SYNJ1: variants seen among roughly 807,000 people sequenced by gnomAD.
SYNJ1 encodes polyphosphatidylinositol phosphatase SYNJ1.
Under a neutral mutation model 168.2 loss-of-function variants are expected in SYNJ1, and 78 were observed. The ratio of observed to expected loss-of-function variants is 0.46; its 90% CI spans 0.39 to 0.56. The LOEUF (loss-of-function observed/expected upper bound fraction) is 0.56, where lower values mean the gene tolerates loss of function less well. Ranked by LOEUF, SYNJ1 falls within the 20% of genes least tolerant of loss-of-function variation. The pLI, the probability that SYNJ1 is intolerant of heterozygous loss-of-function variation, is 0.00. For missense variants in SYNJ1, 1,303 were observed against 1,597.6 expected, an observed-to-expected ratio of 0.82 and a Z score of 3.14; for synonymous variants, 539 against 548.6, an observed-to-expected ratio of 0.98 and a Z score of 0.24.
intron 14 of SYNJ1, among the ~76,000 whole-genome samples, chr21:32,672,903 T>C (rs2041260670): frequency 6.6e-6 from 1 of 152,184 alleles, no homozygotes; most frequent in East Asian, 1.9e-4. Flanking sequence ...AAAACTCAAG[T>C]GATCAATTAT....
intron 2 of SYNJ1, among the ~76,000 whole-genome samples, chr21:32,714,211 G>A (rs2042941740): frequency 6.6e-6 from 1 of 152,148 alleles, no homozygotes; most frequent in Admixed American, 6.5e-5. Context: ...CGGCCAATGA[G>A]GTTAGAACAT....
At chr21:32,725,101 G>A (rs1048080213) in intron 2 of SYNJ1, among the ~76,000 whole-genome samples, 1 of 152,146 alleles carries the variant, frequency 6.6e-6, no homozygotes, top group Non-Finnish European at 1.5e-5. Flanking sequence ...GGAGTAAAGT[G>A]TAGCAATAAT....
At chr21:32,707,534 A>T (rs1002657676) in intron 2 of SYNJ1, among the ~76,000 whole-genome samples, 1 of 151,888 alleles carries the variant, frequency 6.6e-6, no homozygotes. Flanking sequence ...GGGTCTTTCT[A>T]TGTTGCCCAG....
Position 32,650,260 on chromosome 21 carries a change from G to A in SYNJ1, c.2961C>T (p.Ser987=). Residue 987 remains serine (S), a synonymous_variant, in exon 23 of 33, where the codon AGC becomes AGT. Transcript: ENST00000674351. ...AGCTTGTTGATGATGGCAATGCAAT[G>A]CTAATTTTCTCTAAACTCATTTCTT... ...LEEEMSLEKI[S]IALPSSTSST... The A allele has an allele frequency of 1.2e-6, 2 of 1,613,986 alleles. No homozygotes were observed. Among genetic ancestry groups the A allele is most frequent in the South Asian group, 1.1e-5 (1 of 91,046 alleles).
rs869206401 is a variant in SYNJ1 at position 32,727,987 on chromosome 21, G to T, written c.-64C>A. ...TCCTCCTCCTTCTCCCGCAGCCGCC[G>T]CCACAGCCGCCGGGAGCGTCACTTC... On this transcript the variant is annotated 5_prime_UTR_variant, in exon 1 of 33. Transcript: ENST00000674351. 21 of 1,535,280 alleles carry T rather than the reference G, an allele frequency of 1.4e-5. No individual in the cohort carries two copies. The highest frequency in any genetic ancestry group is 1.8e-4 in the Middle Eastern group (1 of 5,520).
chr21:32,641,987 C>T (rs763233516), intron 28 of SYNJ1, 21 bp from the exon 29 acceptor site: 2 of 1,613,224 alleles, frequency 1.2e-6, no homozygotes, highest in Admixed American at 1.7e-5. Flanking sequence ...GACATCATAT[C>T]ATATATTTAA....
rs553936642 is a variant in SYNJ1, at chr21:32,656,634, T to C, written c.2795+53A>G. On this transcript the variant is annotated intron_variant, in intron 21 of 32. Transcript: ENST00000674351. ...TTCCCCAAATAAGGTGATTTCTATA[T>C]AGAAATGATTGTTTATGAATCACAA... The C allele has an allele frequency of 1.9e-4, 280 of 1,470,104 alleles. 3 individuals carry two copies. The South Asian group carries it at 3.2e-3, about 17-fold the overall frequency. 91.1% of individuals were successfully genotyped at this position (1,470,104 alleles called of 1,614,324 possible).
At chr21:32,642,805 G>T (rs1346944141) in intron 27 of SYNJ1, among the ~76,000 whole-genome samples, 1 of 152,168 alleles carries the variant, frequency 6.6e-6, no homozygotes, top group African/African-American at 2.4e-5. Flanking sequence ...GAGTAGGAGT[G>T]ACTATCAAGG....
chr21:32,685,051 G>A (rs1214485523), intron 9 of SYNJ1, among the ~76,000 whole-genome samples: 9 of 151,508 alleles, frequency 5.9e-5, no homozygotes, highest in Non-Finnish European at 8.8e-5. Context: ...GAGTGGTGGC[G>A]GGCGCTTGTA....
intron 18 of SYNJ1, among the ~76,000 whole-genome samples, chr21:32,663,807 G>A (rs192044779): frequency 6.6e-5 from 10 of 152,304 alleles, no homozygotes; most frequent in Non-Finnish European, 1.3e-4. Flanking sequence ...GCAGAGCCTT[G>A]ACTATACTGC....
chr21:32,634,858 T>G lies in SYNJ1; in HGVS notation c.*3+3A>C. The G allele has an allele frequency of 6.2e-7, 1 of 1,613,798 alleles. No homozygotes were observed. The highest frequency in any genetic ancestry group is 8.5e-7 in the Non-Finnish European group (1 of 1,179,914). On this transcript the variant is annotated splice_donor_region_variant and intron_variant, in intron 32 of 32. Transcript: ENST00000674351. ...CATGTAAGATTGATAAATTGTCAGA[T>G]ACCTGTTACCCTGATGGTTGCTCCT...
intron 9 of SYNJ1, among the ~76,000 whole-genome samples, chr21:32,684,951 G>A (rs527750744): frequency 1.5e-3 from 231 of 151,732 alleles, no homozygotes; most frequent in African/African-American, 4.9e-3. Flanking sequence ...AGGCGGAGGC[G>A]GGTGGATCAC....
At chr21:32,686,837 T>G (rs1485866776) in intron 8 of SYNJ1, 141 bp downstream of exon 8, 1 of 561,132 alleles carries the variant, frequency 1.8e-6, no homozygotes. Flanking sequence ...ACCCAAAGAG[T>G]TCAAGTTTCC....
intron 15 of SYNJ1, among the ~76,000 whole-genome samples, chr21:32,668,948 T>C (rs2041069592): frequency 6.6e-6 from 1 of 152,084 alleles, no homozygotes; most frequent in Non-Finnish European, 1.5e-5. Context: ...GGCACCAAAC[T>C]ATACTAGTCA....
chr21:32,699,067 C>T (rs1272593715), intron 4 of SYNJ1, among the ~76,000 whole-genome samples: 1 of 152,076 alleles, frequency 6.6e-6, no homozygotes, highest in African/African-American at 2.4e-5. Flanking sequence ...GCCTGCCATG[C>T]TCTGCTGAGG....
At chr21:32,702,737 C>G (rs986179027) in intron 2 of SYNJ1, among the ~76,000 whole-genome samples, 2 of 152,152 alleles carry the variant, frequency 1.3e-5, no homozygotes, top group Non-Finnish European at 2.9e-5. Flanking sequence ...AGGTTTCTTT[C>G]CTTCTTTGCT....
chr21:32,644,921 C>T, intron 26 of SYNJ1, 47 bp downstream of exon 26: 2 of 1,588,436 alleles, frequency 1.3e-6, no homozygotes, highest in Non-Finnish European at 8.6e-7. Flanking sequence ...AGGTGTAAAA[C>T]ATTAATGAAC....
intron 2 of SYNJ1, among the ~76,000 whole-genome samples, chr21:32,724,867 AAG>A (rs1227817483): frequency 6.6e-6 from 1 of 152,314 alleles, no homozygotes; most frequent in East Asian, 1.9e-4. Context: ...GCTTTACAGA[AAG>A]AGTCAATATT....
At chr21:32,672,962 A>G (rs143536812) in intron 14 of SYNJ1, among the ~76,000 whole-genome samples, 165 of 152,296 alleles carry the variant, frequency 1.1e-3, no homozygotes, top group Non-Finnish European at 1.9e-3. Flanking sequence ...TCAATGTTAA[A>G]TGGACATAAT....
Sources: allele counts gnomAD v4.1 joint callset (sites outside exome capture counted in the v4.1 genomes callset), GRCh38; gene constraint gnomAD v4.1.1; transcripts MANE v1.5; gene names NCBI Gene and HGNC (gene_info 2026-07-23, HGNC 2026-07-21).